BRD2: variants seen among roughly 807,000 people sequenced by gnomAD.
BRD2 encodes bromodomain-containing protein 2.
Under a neutral mutation model 79.1 loss-of-function variants are expected in BRD2, and 15 were observed. The ratio of observed to expected loss-of-function variants is 0.19; its 90% CI spans 0.13 to 0.29. The LOEUF (loss-of-function observed/expected upper bound fraction) is 0.29. BRD2 is among the 10% of genes least tolerant of loss of function. BRD2 has a pLI of 1.00. For synonymous variants in BRD2, 488 were observed against 358.6 expected (o/e 1.36, Z -4.08); for missense variants, 1,053 against 991.3 (o/e 1.06, Z -0.84).
In BRD2 at chr6:32,975,544, TTAG is replaced by T. The variant is rs775428188; in HGVS notation, c.471+27_471+29del. 3.7e-6 allele frequency: 6 copies of T among 1,610,134 alleles called. No individual in the cohort carries two copies. The Admixed American group carries it at 1.0e-4, about 27-fold the overall frequency. On this transcript the variant is annotated intron_variant, in intron 4 of 12. Coordinates refer to ENST00000374825, the MANE Select transcript of BRD2 (RefSeq NM_005104.4). ...AAGGTGAGTTTTTCTGTGTGTTCAT[TTAG>T]TAGGTGGGGAGAAACAGTAACTTCT...
Position 32,975,570 on chromosome 6 carries a change from TC to T in BRD2, c.471+50del. On this transcript the variant is annotated intron_variant, in intron 4 of 12. Coordinates refer to ENST00000374825, the MANE Select transcript of BRD2 (RefSeq NM_005104.4). ...TAGTAGGTGGGGAGAAACAGTAACTTCTATTATTGCTGGATATGTTGTCTAC... is the reference window on the plus strand; with the variant it reads ...TAGTAGGTGGGGAGAAACAGTAACTTTATTATTGCTGGATATGTTGTCTAC... 3 of 1,589,492 alleles carry T rather than the reference TC, an allele frequency of 1.9e-6. No individual in the cohort carries two copies. The African/African-American group carries it at 4.0e-5, about 21-fold the overall frequency.
At position 32,972,474 on chromosome 6, in the gene BRD2, C is replaced by T. The variant is rs1326940194; in HGVS notation, c.-425C>T. 4 of 305,224 alleles carry T rather than the reference C, an allele frequency of 1.3e-5. No individual in the cohort carries two copies. The highest frequency in any genetic ancestry group is 2.5e-5 in the Non-Finnish European group (4 of 160,198). The allele number at this position is 305,224 out of a possible 1,614,324, so 18.9% of individuals were successfully genotyped here. ...TTTCAAAGATGGAGGCGGCGGCTCCCTAAACCACTTTTCGTGTTCATCCGC... is the reference window on the plus strand; with the variant it reads ...TTTCAAAGATGGAGGCGGCGGCTCCTTAAACCACTTTTCGTGTTCATCCGC... On this transcript the variant is annotated 5_prime_UTR_variant, in exon 2 of 13. Transcript: ENST00000374825.
In BRD2 at chr6:32,980,780, C is replaced by T. The variant is rs1333997961; in HGVS notation, c.*62C>T. 1.3e-6 allele frequency: 2 copies of T among 1,582,508 alleles called. No homozygotes were observed. The highest frequency in any genetic ancestry group is 2.3e-4 in the Middle Eastern group (1 of 4,424). Reference sequence around the variant, plus strand: ...ACCGGACCCCTAGACCACCCTGCCCCACCTGCCCCTTCCCCCTTTGCTGTG... The same window carrying T: ...ACCGGACCCCTAGACCACCCTGCCCTACCTGCCCCTTCCCCCTTTGCTGTG... On this transcript the variant is annotated 3_prime_UTR_variant, in exon 13 of 13. Coordinates refer to ENST00000374825, the MANE Select transcript of BRD2 (RefSeq NM_005104.4).
rs1166169503 is a variant in BRD2, at chr6:32,977,853, T to A, written c.1426T>A (p.Ser476Thr). ...TGCCATGCCCCCTGGCTTGGCCAAA[T>A]CGTCTTCAGAGTCCTCCAGTGAGGA... Reference protein sequence around the residue: ...STAMPPGLAKSSSESSSEESS... With the variant: ...STAMPPGLAKTSSESSSEESS... The change falls in exon 9 of 13, where the codon TCG becomes ACG. Residue 476 changes from serine (S) to threonine (T), a missense_variant. Coordinates refer to ENST00000374825, the MANE Select transcript of BRD2 (RefSeq NM_005104.4). 1 of 1,612,918 alleles carries A rather than the reference T, an allele frequency of 6.2e-7. No individual in the cohort carries two copies. Among genetic ancestry groups the A allele is most frequent in the African/African-American group, 1.3e-5 (1 of 74,900 alleles).
At chr6:32,976,225 A>G in intron 5 of BRD2, 25 bp from the exon 6 acceptor site, 5 of 1,611,364 alleles carry the variant, frequency 3.1e-6, no homozygotes, top group Non-Finnish European at 4.2e-6. Flanking sequence ...AGAGAATCAA[A>G]CTACACTTTT....
intron 1 of BRD2, chr6:32,969,376 CGAGG>C (rs1392810850): frequency 1.4e-6 from 1 of 716,562 alleles, no homozygotes; most frequent in Admixed American, 2.0e-5. Flanking sequence ...CATCGGCGGC[CGAGG>C]GAGGGGTGAC....
At position 32,980,723 on chromosome 6, in the gene BRD2, T is replaced by A. The variant is rs779702404; in HGVS notation, c.*5T>A. On this transcript the variant is annotated 3_prime_UTR_variant, in exon 13 of 13. Transcript: ENST00000374825. The stretch of plus-strand genomic sequence containing the variant: ...AGTGATTCAGACTCAGGCTAAGGGG[T>A]CAGGCCAGATGGGGCAGGAAGGCTC... 6.2e-7 allele frequency: 1 copy of A among 1,612,414 alleles called. No homozygotes were observed. The highest frequency in any genetic ancestry group is 2.2e-5 in the East Asian group (1 of 44,878).
chr6:32,973,166 C>T (rs756942725), intron 2 of BRD2: 8 of 1,543,006 alleles, frequency 5.2e-6, no homozygotes, highest in East Asian at 2.5e-5. Flanking sequence ...CGCCGTGGCC[C>T]AGTCTTAACC....
rs1254352169 is a variant in BRD2, at chr6:32,976,118, C to T, written c.559C>T (p.Leu187=). The T allele has an allele frequency of 6.2e-7, 1 of 1,612,976 alleles. No homozygotes were observed. The highest frequency in any genetic ancestry group is 8.5e-7 in the Non-Finnish European group (1 of 1,180,006). ...VASMPQEEQE[L]VVTIPKNSHK... Reference sequence around the variant, plus strand: ...ATCAATGCCACAAGAAGAACAAGAGCTGGTAGTGACCATCCCTAAGAACAG... The same window carrying T: ...ATCAATGCCACAAGAAGAACAAGAGTTGGTAGTGACCATCCCTAAGAACAG... Residue 187 remains leucine (L), a synonymous_variant, in exon 5 of 13, where the codon CTG becomes TTG. Transcript: ENST00000374825.
Position 32,974,469 on chromosome 6 carries a change from G to A in BRD2, c.37G>A (p.Gly13Arg). Residue 13 changes from glycine (G) to arginine (R), a missense_variant, in exon 3 of 13, where the codon GGG becomes AGG. This residue lies in a region of BRD2 where 413 missense variants were observed against 335.1 expected (regional missense o/e 1.23). Coordinates refer to ENST00000374825, the MANE Select transcript of BRD2 (RefSeq NM_005104.4). ...TTGTTCCCATCTTTACAGGCTCCCT[G>A]GGGAAGGGAATGCAGGGTTGCTGGG... is the stretch of plus-strand genomic sequence containing the variant. ...QNVTPHNKLPGEGNAGLLGLG... is the reference protein window; with the variant it reads ...QNVTPHNKLPREGNAGLLGLG... 2 of 1,609,314 alleles carry A rather than the reference G, an allele frequency of 1.2e-6. No individual in the cohort carries two copies. The highest frequency in any genetic ancestry group is 1.7e-6 in the Non-Finnish European group (2 of 1,176,134).
rs757656356 is a variant in BRD2, at chr6:32,975,535, T to C, written c.471+14T>C. The C allele has an allele frequency of 6.2e-7, 1 of 1,611,212 alleles. No individual in the cohort carries two copies. Among genetic ancestry groups the C allele is most frequent in the East Asian group, 2.2e-5 (1 of 44,860 alleles). On this transcript the variant is annotated intron_variant, in intron 4 of 12. Coordinates refer to ENST00000374825, the MANE Select transcript of BRD2 (RefSeq NM_005104.4). The stretch of plus-strand genomic sequence containing the variant: ...ATTTACAACAAGGTGAGTTTTTCTG[T>C]GTGTTCATTTAGTAGGTGGGGAGAA...
rs2127521959 is a variant in BRD2 at position 32,978,250 on chromosome 6, G to C, written c.1703G>C (p.Gly568Ala). Reference sequence around the variant, plus strand: ...GCAGAGAAGCATCGAGGCCGAGCTGGGGCCGATGAAGATGACAAGGGGCCT... The same window carrying C: ...GCAGAGAAGCATCGAGGCCGAGCTGCGGCCGATGAAGATGACAAGGGGCCT... The part of the protein sequence containing the change: ...RKAEKHRGRA[G>A]ADEDDKGPRA... Residue 568 changes from glycine to alanine, a missense_variant, in exon 10 of 13, where the codon GGG (glycine) becomes GCG (alanine). Transcript: ENST00000374825. 6.2e-7 allele frequency: 1 copy of C among 1,613,012 alleles called. No individual in the cohort carries two copies. The highest frequency in any genetic ancestry group is 8.5e-7 in the Non-Finnish European group (1 of 1,180,026).
At position 32,980,735 on chromosome 6, in the gene BRD2, G is replaced by A. The variant is rs201611634; in HGVS notation, c.*17G>A. The A allele has an allele frequency of 1.3e-5, 21 of 1,611,896 alleles. No homozygotes were observed. Among genetic ancestry groups the A allele is most frequent in the Non-Finnish European group, 1.7e-5 (20 of 1,179,998 alleles). On this transcript the variant is annotated 3_prime_UTR_variant, in exon 13 of 13. Transcript: ENST00000374825. ...TCAGGCTAAGGGGTCAGGCCAGATG[G>A]GGCAGGAAGGCTCCGCAGGACCGGA... is the stretch of plus-strand genomic sequence containing the variant.
At chr6:32,971,380 C>G (rs542737751) in intron 1 of BRD2, among the ~76,000 whole-genome samples, 1 of 152,224 alleles carries the variant, frequency 6.6e-6, no homozygotes, top group East Asian at 1.9e-4. Context: ...CTTTTGTGGT[C>G]TTTGGGACTA....
In BRD2 at chr6:32,973,425, A is replaced by G. The variant is rs28361067; in HGVS notation, c.29+498A>G. Among the ~76,000 whole-genome samples, 65 of 152,104 alleles carry G rather than the reference A, an allele frequency of 4.3e-4. 2 individuals carry two copies. The highest frequency in any genetic ancestry group is 2.1e-4 in the Non-Finnish European group (14 of 67,978). ...CCTAATGCCCAGGGTATGTCATTAA[A>G]TCTTTTGCTTTCTTTGGGTGGGTGG... On this transcript the variant is annotated intron_variant, in intron 2 of 12. Transcript: ENST00000374825.
intron 7 of BRD2, 144 bp from the exon 8 acceptor site, chr6:32,977,298 T>C: frequency 6.3e-7 from 1 of 1,595,990 alleles, no homozygotes; most frequent in South Asian, 1.1e-5. Flanking sequence ...TTCCTTTGAC[T>C]TCAAACTTGA....
chr6:32,973,006 T>G, intron 2 of BRD2, 79 bp downstream of exon 2: 1 of 1,613,342 alleles, frequency 6.2e-7, no homozygotes, highest in South Asian at 1.1e-5. Flanking sequence ...GTGTTGGGAG[T>G]ACTGAGCGGC....
chr6:32,978,470 C>G, intron 10 of BRD2, 82 bp downstream of exon 10: 7 of 1,542,750 alleles, frequency 4.5e-6, no homozygotes, highest in Middle Eastern at 2.4e-4. Flanking sequence ...AAAGATAATT[C>G]TAAATGGCCA....
At position 32,974,475 on chromosome 6, in the gene BRD2, G is replaced by A; in HGVS notation, c.43G>A (p.Gly15Arg). Reference protein sequence around the residue: ...VTPHNKLPGEGNAGLLGLGPE... With the variant: ...VTPHNKLPGERNAGLLGLGPE... The stretch of plus-strand genomic sequence containing the variant: ...CCATCTTTACAGGCTCCCTGGGGAA[G>A]GGAATGCAGGGTTGCTGGGGCTGGG... Residue 15 changes from glycine to arginine, a missense_variant, in exon 3 of 13, where the codon GGG (glycine) becomes AGG (arginine). Coordinates refer to ENST00000374825, the MANE Select transcript of BRD2 (RefSeq NM_005104.4). 6.2e-7 allele frequency: 1 copy of A among 1,609,598 alleles called. No homozygotes were observed.
Sources: gnomAD v4.1 joint callset for allele counts (sites outside exome capture counted in the v4.1 genomes callset) on GRCh38, gnomAD v4.1.1 for gene constraint, gnomAD v4.1.1 regional missense constraint, MANE v1.5 for transcripts, NCBI Gene and HGNC (gene_info 2026-07-23, HGNC 2026-07-21) for gene names.